The following SLC44A1 variants were observed in gnomAD, a reference collection of about 807,000 sequenced individuals.
The protein encoded by SLC44A1 is choline transporter-like protein 1.
Under a neutral mutation model 79.3 loss-of-function variants are expected in SLC44A1, and 26 were observed. The ratio of observed to expected loss-of-function variants is 0.33; its 90% confidence interval spans 0.24 to 0.46. The LOEUF is 0.46. Ranked by LOEUF, SLC44A1 falls within the 20% of genes least tolerant of loss-of-function variation. The pLI is 1.00. For synonymous variants in SLC44A1, 263 were observed against 286.2 expected (o/e 0.92, Z 0.82); for missense variants, 688 against 798.1 (o/e 0.86, Z 1.66).
At chr9:105,419,609 T>C (rs1238205734) in intron 15 of SLC44A1, among the ~76,000 whole-genome samples, 1 of 152,138 alleles carries the variant, frequency 6.6e-6, no homozygotes, top group African/African-American at 2.4e-5. Flanking sequence ...GTTCAGAAGT[T>C]CTCTTAGAAG....
At chr9:105,275,874 A>G (rs768132397) in intron 1 of SLC44A1, among the ~76,000 whole-genome samples, 10 of 149,942 alleles carry the variant, frequency 6.7e-5, no homozygotes, top group Middle Eastern at 3.4e-3. Context: ...GCGCGATCTC[A>G]GCTCACTGCA....
rs72607139 is a variant in SLC44A1 at position 105,281,269 on chromosome 9, A to G, written c.37-17951A>G. ...TGCTAGGCAAATGCTCTGGACCAGAACAGAGATGTTCCTCTGGTGCCTTCT... is the reference window on the plus strand; with the variant it reads ...TGCTAGGCAAATGCTCTGGACCAGAGCAGAGATGTTCCTCTGGTGCCTTCT... On this transcript the variant is annotated intron_variant, in intron 1 of 15. Transcript: ENST00000374720. 3.8e-3 allele frequency among the ~76,000 whole-genome samples: 573 copies of G among 152,326 alleles called. 17 individuals are homozygous for G. In the East Asian group the frequency reaches 0.078, roughly 21 times the overall value.
At chr9:105,429,780 C>A (rs527619323) in intron 15 of SLC44A1, among the ~76,000 whole-genome samples, 3 of 151,586 alleles carry the variant, frequency 2.0e-5, no homozygotes, top group Middle Eastern at 3.4e-3. Context: ...TACGGAGAAG[C>A]CTTTTAGGAA....
At chr9:105,303,724 C>G (rs1830941533) in intron 2 of SLC44A1, among the ~76,000 whole-genome samples, 1 of 152,122 alleles carries the variant, frequency 6.6e-6, no homozygotes, top group Non-Finnish European at 1.5e-5. Flanking sequence ...GAGGTAGACC[C>G]CACTCTGTTG....
At chr9:105,300,450 T>C (rs889765764) in intron 2 of SLC44A1, among the ~76,000 whole-genome samples, 4 of 152,230 alleles carry the variant, frequency 2.6e-5, no homozygotes, top group Admixed American at 6.5e-5. Context: ...CTCCTCTGAC[T>C]GCCCACCAGG....
chr9:105,276,078 T>C (rs1403503048), intron 1 of SLC44A1, among the ~76,000 whole-genome samples: 1 of 152,092 alleles, frequency 6.6e-6, no homozygotes, highest in East Asian at 1.9e-4. Flanking sequence ...AGTGCTGGGA[T>C]TACAGGTGTG....
At chr9:105,374,502 A>G in intron 12 of SLC44A1, 96 bp from the exon 13 acceptor site, 1 of 1,223,746 alleles carries the variant, frequency 8.2e-7, no homozygotes, top group Non-Finnish European at 1.2e-6. Flanking sequence ...TTTGACTGAA[A>G]TATTTTTAAA....
chr9:105,274,061 A>T (rs1830140664), intron 1 of SLC44A1, among the ~76,000 whole-genome samples: 1 of 152,170 alleles, frequency 6.6e-6, no homozygotes, highest in African/African-American at 2.4e-5. Flanking sequence ...CTGATGTTAG[A>T]GGGAAAAGTA....
At chr9:105,261,977 G>T (rs1829853070) in intron 1 of SLC44A1, among the ~76,000 whole-genome samples, 1 of 151,804 alleles carries the variant, frequency 6.6e-6, no homozygotes, top group Admixed American at 6.6e-5. Flanking sequence ...TTGAGACGGG[G>T]TTTCACCATG....
At chr9:105,404,444 A>G (rs1182404933) in intron 15 of SLC44A1, among the ~76,000 whole-genome samples, 2 of 152,186 alleles carry the variant, frequency 1.3e-5, no homozygotes, top group Non-Finnish European at 2.9e-5. Context: ...CCACTTTAAG[A>G]TGAAGCCGTA....
chr9:105,303,725 C>T (rs1830941631), intron 2 of SLC44A1, among the ~76,000 whole-genome samples: 1 of 152,170 alleles, frequency 6.6e-6, no homozygotes, highest in Admixed American at 6.5e-5. Context: ...AGGTAGACCC[C>T]ACTCTGTTGC....
chr9:105,391,408 G>A lies in SLC44A1; in HGVS notation c.*2352G>A. ...ATAAATTTTGTTTTACTAACATTGT[G>A]TTTAGAAATTATAATCTATGTGTAA... On this transcript the variant is annotated 3_prime_UTR_variant, in exon 16 of 16. Transcript: ENST00000374720. 1.0e-6 allele frequency: 1 copy of A among 985,194 alleles called. No individual in the cohort carries two copies. The highest frequency in any genetic ancestry group is 1.2e-6 in the Non-Finnish European group (1 of 829,352). The allele number at this position is 985,194 out of a possible 1,614,324, so 61.0% of individuals were successfully genotyped here.
chr9:105,285,648 C>T (rs545461491), intron 1 of SLC44A1, among the ~76,000 whole-genome samples: 15 of 152,204 alleles, frequency 9.9e-5, no homozygotes, highest in Admixed American at 3.3e-4. Context: ...CAACGTTTTG[C>T]GGGCAGTGGG....
intron 1 of SLC44A1, among the ~76,000 whole-genome samples, chr9:105,253,262 G>T (rs903585686): frequency 6.6e-6 from 1 of 151,988 alleles, no homozygotes; most frequent in African/African-American, 2.4e-5. Flanking sequence ...AATATGTAAA[G>T]TAAAAAAACC....
chr9:105,315,818 T>A (rs1455312989), intron 3 of SLC44A1, among the ~76,000 whole-genome samples: 1 of 152,226 alleles, frequency 6.6e-6, no homozygotes. Flanking sequence ...TAAGCACTTG[T>A]ACAGTGTTTC....
intron 3 of SLC44A1, among the ~76,000 whole-genome samples, chr9:105,311,804 A>G (rs894158531): frequency 6.6e-6 from 1 of 152,168 alleles, no homozygotes; most frequent in Non-Finnish European, 1.5e-5. Context: ...GTGTTTTTGT[A>G]AAAAAATGAA....
intron 15 of SLC44A1, among the ~76,000 whole-genome samples, chr9:105,414,392 T>G (rs887653056): frequency 5.3e-5 from 8 of 152,184 alleles, no homozygotes; most frequent in Non-Finnish European, 1.2e-4. Flanking sequence ...TGCATTTGGA[T>G]CGATGATTTT....
chr9:105,311,607 G>A (rs531199972), intron 3 of SLC44A1, among the ~76,000 whole-genome samples: 4 of 152,296 alleles, frequency 2.6e-5, no homozygotes, highest in African/African-American at 4.8e-5. Flanking sequence ...TTCTGAAAAA[G>A]TGGTCACTAT....
At chr9:105,261,212 A>C (rs552426490) in intron 1 of SLC44A1, among the ~76,000 whole-genome samples, 1 of 152,316 alleles carries the variant, frequency 6.6e-6, no homozygotes, top group South Asian at 2.1e-4. Context: ...GCACATCATA[A>C]GCTAGAACCC....
Sources: allele counts gnomAD v4.1 joint callset (sites outside exome capture counted in the v4.1 genomes callset), GRCh38; gene constraint gnomAD v4.1.1; transcripts MANE v1.5; gene names NCBI Gene and HGNC (gene_info 2026-07-23, HGNC 2026-07-21).